The following GPATCH2L variants were observed in gnomAD, a reference collection of about 807,000 sequenced individuals.
GPATCH2L encodes G patch domain-containing protein 2-like.
GPATCH2L carries 31 observed loss-of-function variants against 57.4 expected under a neutral mutation model. The observed-to-expected ratio is 0.54, with a 90% confidence interval of 0.41 to 0.73. The LOEUF (loss-of-function observed/expected upper bound fraction) is 0.73. GPATCH2L is among the 30% of genes least tolerant of loss of function. GPATCH2L has a pLI of 0.00. For missense variants in GPATCH2L, 481 were observed against 599.9 expected, an observed-to-expected ratio of 0.80 and a Z score of 2.07; for synonymous variants, 199 against 210.7, an observed-to-expected ratio of 0.94 and a Z score of 0.48.
chr14:76,172,601 CCA>C (rs2039136515), intron 4 of GPATCH2L, among the ~76,000 whole-genome samples: 1 of 152,184 alleles, frequency 6.6e-6, no homozygotes, highest in Admixed American at 6.5e-5. Flanking sequence ...ATACTGTCTA[CCA>C]AGCTCTGTGA....
intron 9 of GPATCH2L, among the ~76,000 whole-genome samples, chr14:76,199,192 G>A (rs2040243164): frequency 6.6e-6 from 1 of 152,076 alleles, no homozygotes; most frequent in African/African-American, 2.4e-5. Flanking sequence ...AGGTTTAAAA[G>A]TTTTAAAAAG....
At position 76,207,015 on chromosome 14, in the gene GPATCH2L, C is replaced by A. The variant is rs1350231141; in HGVS notation, c.*5164C>A. 6.6e-6 allele frequency: 1 copy of A among 152,046 alleles called. No homozygotes were observed. The highest frequency in any genetic ancestry group is 1.5e-5 in the Non-Finnish European group (1 of 68,016). The allele number at this position is 152,046 out of a possible 1,614,324, so 9.4% of individuals were successfully genotyped here. A position where few individuals can be genotyped will look rare whatever the true frequency, so the allele number is the denominator to read the frequency against. ...CTATGTTTAGGTGGATGGAAATAAC[C>A]TTTTGAAAATGGATAAAGCCTGGGT... On this transcript the variant is annotated 3_prime_UTR_variant, in exon 10 of 10. Transcript: ENST00000261530.
chr14:76,188,220 T>C (rs1423139091), intron 8 of GPATCH2L, among the ~76,000 whole-genome samples: 1 of 152,158 alleles, frequency 6.6e-6, no homozygotes, highest in Non-Finnish European at 1.5e-5. Flanking sequence ...TTCCTTTCTT[T>C]TGGGTATTTA....
intron 4 of GPATCH2L, among the ~76,000 whole-genome samples, chr14:76,172,973 A>C (rs1230893425): frequency 6.6e-6 from 1 of 152,208 alleles, no homozygotes; most frequent in Non-Finnish European, 1.5e-5. Flanking sequence ...TAAAATATAT[A>C]CAAACAAGCA....
chr14:76,229,916 T>A (rs1292142940), exon 2 of GPATCH2L: 1 of 152,536 alleles, frequency 6.6e-6, no homozygotes, highest in African/African-American at 2.4e-5. Context: ...CTCCTCCACC[T>A]TCCCGTCAGT....
chr14:76,178,348 G>A lies in GPATCH2L; in HGVS notation c.1107+306G>A, dbSNP rs576089713. On this transcript the variant is annotated intron_variant, in intron 7 of 9. Coordinates refer to ENST00000261530, the MANE Select transcript of GPATCH2L (RefSeq NM_017926.4). ...GTAGAGCTGCTTTGGGTGAAGTGGG[G>A]TCAAAGCCTTAGAGCAGTGGTCCCC... The A allele has an allele frequency of 3.3e-4, 323 of 989,300 alleles. 9 individuals are homozygous for A. The South Asian group carries it at 4.4e-3, about 14-fold the overall frequency. The allele number at this position is 989,300 out of a possible 1,614,324, so 61.3% of individuals were successfully genotyped here. A position where few individuals can be genotyped will look rare whatever the true frequency, so the allele number is the denominator to read the frequency against.
At chr14:76,181,354 C>T (rs2039553251) in intron 8 of GPATCH2L, among the ~76,000 whole-genome samples, 1 of 152,208 alleles carries the variant, frequency 6.6e-6, no homozygotes, top group South Asian at 2.1e-4. Context: ...TGCTGCTTGT[C>T]TCAGCTCAGG....
intron 3 of GPATCH2L, 140 bp from the exon 4 acceptor site, chr14:76,171,703 A>T: frequency 1.8e-6 from 1 of 563,406 alleles, no homozygotes; most frequent in South Asian, 2.9e-5. Context: ...AGCCTGGGTG[A>T]CAGAGCAAGA....
At chr14:76,177,137 C>G (rs1265492650) in intron 6 of GPATCH2L, among the ~76,000 whole-genome samples, 1 of 152,122 alleles carries the variant, frequency 6.6e-6, no homozygotes, top group African/African-American at 2.4e-5. Flanking sequence ...CCTCTGCCTC[C>G]TAGGCTCAAG....
intron 8 of GPATCH2L, 138 bp from the exon 9 acceptor site, chr14:76,195,740 C>T: frequency 1.5e-6 from 1 of 678,288 alleles, no homozygotes. Flanking sequence ...ATAATGTTGT[C>T]CCAATGCTTA....
chr14:76,194,433 C>T (rs375280585), intron 8 of GPATCH2L, among the ~76,000 whole-genome samples: 113 of 151,844 alleles, frequency 7.4e-4, no homozygotes, highest in African/African-American at 2.5e-3. Context: ...TTATATTTTC[C>T]TATTTATAAA....
At chr14:76,234,528 A>C (rs947630786) in intron 2 of GPATCH2L, 3 of 152,292 alleles carry the variant, frequency 2.0e-5, no homozygotes, top group Non-Finnish European at 2.9e-5. Flanking sequence ...TGAAGGAACA[A>C]GCTTCCATGA....
At chr14:76,152,897 G>T in intron 1 of GPATCH2L, 1 of 378,262 alleles carries the variant, frequency 2.6e-6, no homozygotes. Flanking sequence ...TTGGTCTTAG[G>T]GACAGTTGTC....
rs1248952801 is a variant in GPATCH2L at position 76,214,222 on chromosome 14, A to T, written c.*12371A>T. On this transcript the variant is annotated 3_prime_UTR_variant, in exon 10 of 10. Coordinates refer to ENST00000261530, the MANE Select transcript of GPATCH2L (RefSeq NM_017926.4). ...GTGTCATCCTATCCAAGAATAGGAGATGTATTTCCATTTATTCAAGTCTAT... is the reference window on the plus strand; with the variant it reads ...GTGTCATCCTATCCAAGAATAGGAGTTGTATTTCCATTTATTCAAGTCTAT... 1 of 152,134 alleles carries T rather than the reference A, an allele frequency of 6.6e-6. No individual in the cohort carries two copies. The highest frequency in any genetic ancestry group is 1.5e-5 in the Non-Finnish European group (1 of 68,010). 9.4% of individuals were successfully genotyped at this position (152,134 alleles called of 1,614,324 possible). A position where few individuals can be genotyped will look rare whatever the true frequency, so the allele number is the denominator to read the frequency against.
chr14:76,229,120 A>G (rs1451538728), intron 1 of GPATCH2L, among the ~76,000 whole-genome samples: 1 of 152,238 alleles, frequency 6.6e-6, no homozygotes, highest in African/African-American at 2.4e-5. Flanking sequence ...CTCCATGGGC[A>G]TCAAGAAAAA....
intron 1 of GPATCH2L, chr14:76,152,824 A>C (rs3813547): frequency 0.52 from 233,949 of 452,510 alleles, 65,099 homozygotes; most frequent in South Asian, 0.66. Flanking sequence ...CTGAGTTTTT[A>C]AAGCAGTAAT....
rs2040410918 is a variant in GPATCH2L, at chr14:76,209,001, C to T, written c.*7150C>T. ...AGGCTGAGAACCACCACTCTAAAAC[C>T]TGGCTGCTACCCTTGCTACCATTAA... On this transcript the variant is annotated 3_prime_UTR_variant, in exon 10 of 10. Coordinates refer to ENST00000261530, the MANE Select transcript of GPATCH2L (RefSeq NM_017926.4). The T allele has an allele frequency of 2.6e-5, 4 of 152,204 alleles. No homozygotes were observed. The highest frequency in any genetic ancestry group is 2.6e-4 in the Admixed American group (4 of 15,276). The allele number at this position is 152,204 out of a possible 1,614,324, so 9.4% of individuals were successfully genotyped here.
At chr14:76,158,125 G>T (rs1184207790) in intron 2 of GPATCH2L, among the ~76,000 whole-genome samples, 3 of 151,782 alleles carry the variant, frequency 2.0e-5, no homozygotes, top group Non-Finnish European at 4.4e-5. Flanking sequence ...ATATAGTTTA[G>T]CTTCTTTTTT....
Position 76,211,390 on chromosome 14 carries a change from C to T in GPATCH2L, c.*9539C>T, listed in dbSNP as rs1183462654. ...GATTTGCATTGCCTTGATCACCTTCCGTGGGAAATATAGCTAGGCCCACTT... is the reference window on the plus strand; with the variant it reads ...GATTTGCATTGCCTTGATCACCTTCTGTGGGAAATATAGCTAGGCCCACTT... On this transcript the variant is annotated 3_prime_UTR_variant, in exon 10 of 10. Coordinates refer to ENST00000261530, the MANE Select transcript of GPATCH2L (RefSeq NM_017926.4). 3 of 152,182 alleles carry T rather than the reference C, an allele frequency of 2.0e-5. No individual in the cohort carries two copies. Among genetic ancestry groups the T allele is most frequent in the Admixed American group, 6.5e-5 (1 of 15,274 alleles). The allele number at this position is 152,182 out of a possible 1,614,324, so 9.4% of individuals were successfully genotyped here.
Sources: allele counts gnomAD v4.1 joint callset (sites outside exome capture counted in the v4.1 genomes callset), GRCh38; gene constraint gnomAD v4.1.1; transcripts MANE v1.5; gene names NCBI Gene and HGNC (gene_info 2026-07-23, HGNC 2026-07-21).